AP2B1: variants seen among roughly 807,000 people sequenced by gnomAD.
AP2B1 encodes adaptor related protein complex 2 subunit beta 1.
In AP2B1, 23 loss-of-function variants were observed where a neutral mutation model predicts 102.0. That is an observed-to-expected ratio of 0.23 (90% CI 0.16 to 0.32). The LOEUF (loss-of-function observed/expected upper bound fraction) is 0.32, where lower values mean the gene tolerates loss of function less well. Ranked by LOEUF, AP2B1 falls within the 10% of genes least tolerant of loss-of-function variation. The pLI is 1.00. For synonymous variants in AP2B1, 381 were observed against 421.2 expected (o/e 0.90, Z 1.17); for missense variants, 541 against 1,157.4 (o/e 0.47, Z 7.73).
chr17:35,689,255 C>T (rs1376217693), intron 18 of AP2B1, among the ~76,000 whole-genome samples: 1 of 152,194 alleles, frequency 6.6e-6, no homozygotes, highest in East Asian at 1.9e-4. Flanking sequence ...TCTCAGCTCA[C>T]TGCAACCTCT....
chr17:35,717,432 A>T, intron 21 of AP2B1, 83 bp downstream of exon 21: 1 of 1,484,886 alleles, frequency 6.7e-7, no homozygotes, highest in Non-Finnish European at 9.2e-7. Flanking sequence ...CCCTAGAAAG[A>T]CCTGGAGGAG....
chr17:35,656,962 A>G (rs929747353), intron 13 of AP2B1, among the ~76,000 whole-genome samples: 3 of 151,440 alleles, frequency 2.0e-5, no homozygotes, highest in African/African-American at 7.3e-5. Flanking sequence ...TCCAAATTTT[A>G]CCAATCCCAA....
chr17:35,598,874 G>T (rs1242840057), intron 3 of AP2B1, among the ~76,000 whole-genome samples: 1 of 152,194 alleles, frequency 6.6e-6, no homozygotes, highest in Admixed American at 6.5e-5. Context: ...CTTTCGGGGG[G>T]TCCGTGAGGT....
intron 5 of AP2B1, among the ~76,000 whole-genome samples, chr17:35,612,880 GCACACACACA>G (rs55739970): frequency 0.49 from 70,664 of 143,718 alleles, 18,411 homozygotes; most frequent in Admixed American, 0.51. Flanking sequence ...GTGTATGTGC[GCACACACACA>G]CACACACACA....
intron 18 of AP2B1, among the ~76,000 whole-genome samples, chr17:35,683,244 G>A (rs1488208844): frequency 2.0e-5 from 3 of 152,098 alleles, no homozygotes; most frequent in Non-Finnish European, 4.4e-5. Flanking sequence ...CATGGAATCG[G>A]ATTTGAAATA....
intron 1 of AP2B1, among the ~76,000 whole-genome samples, chr17:35,590,178 A>T (rs2073048814): frequency 6.6e-6 from 1 of 152,064 alleles, no homozygotes; most frequent in South Asian, 2.1e-4. Context: ...CCCGCCTCCC[A>T]AAGTGCTGGG....
intron 18 of AP2B1, 81 bp from the exon 19 acceptor site, chr17:35,709,143 A>G (rs1555586186): frequency 7.2e-6 from 9 of 1,252,756 alleles, no homozygotes; most frequent in South Asian, 1.2e-5. Flanking sequence ...AGGGAGGCCT[A>G]TTTCTAGACA....
intron 5 of AP2B1, among the ~76,000 whole-genome samples, chr17:35,611,606 G>A (rs541215997): frequency 6.6e-6 from 1 of 152,302 alleles, no homozygotes; most frequent in African/African-American, 2.4e-5. Context: ...AGTTTACATT[G>A]CAAAGGAGAG....
chr17:35,653,683 C>T (rs2142849124), intron 13 of AP2B1, among the ~76,000 whole-genome samples: 1 of 152,186 alleles, frequency 6.6e-6, no homozygotes, highest in Non-Finnish European at 1.5e-5. Flanking sequence ...ACCATGTTAT[C>T]CAGGCTGGTC....
At chr17:35,647,145 A>G (rs2074956238) in intron 12 of AP2B1, among the ~76,000 whole-genome samples, 1 of 152,208 alleles carries the variant, frequency 6.6e-6, no homozygotes, top group Non-Finnish European at 1.5e-5. Flanking sequence ...TCTAAAGTAC[A>G]TGTGCCTTAA....
chr17:35,662,257 T>G (rs1195638556), intron 14 of AP2B1, among the ~76,000 whole-genome samples: 1 of 152,236 alleles, frequency 6.6e-6, no homozygotes, highest in Non-Finnish European at 1.5e-5. Context: ...TTCTTTTTAG[T>G]CTCCTTACTG....
At chr17:35,718,769 T>G (rs1265085481) in intron 21 of AP2B1, among the ~76,000 whole-genome samples, 1 of 150,200 alleles carries the variant, frequency 6.7e-6, no homozygotes, top group Non-Finnish European at 1.5e-5. Context: ...TGTGTGTGGT[T>G]TTTTTTTTTT....
chr17:35,652,538 A>T (rs1449802797), intron 13 of AP2B1, among the ~76,000 whole-genome samples: 1 of 152,178 alleles, frequency 6.6e-6, no homozygotes, highest in Non-Finnish European at 1.5e-5. Flanking sequence ...GTGAGGTAGT[A>T]AATAGTTGTC....
chr17:35,658,282 CTT>C (rs33981679), intron 14 of AP2B1, among the ~76,000 whole-genome samples: 1 of 141,070 alleles, frequency 7.1e-6, no homozygotes. Flanking sequence ...TCTTCTTCTT[CTT>C]TTTTTTTTTT....
intron 18 of AP2B1, among the ~76,000 whole-genome samples, chr17:35,702,476 G>A (rs1598325819): frequency 6.7e-6 from 1 of 149,060 alleles, no homozygotes; most frequent in Admixed American, 6.7e-5. Flanking sequence ...GAGCTAGCAA[G>A]GAGGAGAGTA....
Position 35,618,425 on chromosome 17 carries a change from A to G in AP2B1, c.526-5972A>G, listed in dbSNP as rs563907492. Among the ~76,000 whole-genome samples the G allele has an allele frequency of 7.2e-5, 11 of 152,332 alleles. No homozygotes were observed. In the South Asian group the frequency reaches 1.2e-3, roughly 17 times the overall value. On this transcript the variant is annotated intron_variant, in intron 5 of 21. Coordinates refer to ENST00000610402, the MANE Select transcript of AP2B1 (RefSeq NM_001030006.2). ...GTCTTCAGGGATACCAGCCAAAATA[A>G]TTGTAAATTGAGCAGAAAAACTGAA...
intron 17 of AP2B1, among the ~76,000 whole-genome samples, chr17:35,675,577 A>T (rs535699196): frequency 6.6e-6 from 1 of 152,102 alleles, no homozygotes; most frequent in Admixed American, 6.5e-5. Flanking sequence ...TTCTGTTGTA[A>T]TAAAGGAAAT....
intron 18 of AP2B1, among the ~76,000 whole-genome samples, chr17:35,694,601 C>T (rs944677303): frequency 2.6e-5 from 4 of 151,984 alleles, no homozygotes; most frequent in East Asian, 3.9e-4. Context: ...CCAGGCTGAG[C>T]GCCATGGCTC....
rs1008814099 is a variant in AP2B1 at position 35,592,463 on chromosome 17, A to T, written c.-23-1545A>T. ...GATCTCCTAAGCTCAAGCGATCCAC[A>T]CACCTCAGCCTCCCAAGTAGCTGAG... On this transcript the variant is annotated intron_variant, in intron 1 of 21. Transcript: ENST00000610402. 3.9e-5 allele frequency among the ~76,000 whole-genome samples: 6 copies of T among 152,018 alleles called. No individual in the cohort carries two copies. The Middle Eastern group carries it at 0.01, about 259-fold the overall frequency.
Sources: gnomAD v4.1 joint callset for allele counts (sites outside exome capture counted in the v4.1 genomes callset) on GRCh38, gnomAD v4.1.1 for gene constraint, MANE v1.5 for transcripts, NCBI Gene and HGNC (gene_info 2026-07-23, HGNC 2026-07-21) for gene names.